Variants in MAML3 observed in about 807,000 individuals in gnomAD.
The protein encoded by MAML3 is mastermind like transcriptional coactivator 3, also known as mastermind-like protein 3.
Under a neutral mutation model 101.9 loss-of-function variants are expected in MAML3, and 27 were observed. The ratio of observed to expected loss-of-function variants is 0.27; its 90% CI spans 0.20 to 0.37. The LOEUF (loss-of-function observed/expected upper bound fraction) is 0.37. Among genes scored for constraint, MAML3 ranks in the 10% least tolerant of loss-of-function variants. The pLI is 1.00. For synonymous variants in MAML3, 501 were observed against 555.9 expected (o/e 0.90, Z 1.39); for missense variants, 1,316 against 1,444.9 (o/e 0.91, Z 1.45).
intron 1 of MAML3, among the ~76,000 whole-genome samples, chr4:139,997,340 G>T (rs1346692691): frequency 6.6e-6 from 1 of 150,758 alleles, no homozygotes; most frequent in Non-Finnish European, 1.5e-5. Flanking sequence ...TTTCTTCATG[G>T]TTACTCTGAA....
chr4:140,000,619 T>G (rs2110843204), intron 1 of MAML3, among the ~76,000 whole-genome samples: 1 of 152,278 alleles, frequency 6.6e-6, no homozygotes, highest in Middle Eastern at 3.4e-3. Flanking sequence ...AGCCCACTTC[T>G]TGAGAATTTT....
chr4:139,955,861 CAT>C (rs1733907058), intron 1 of MAML3, among the ~76,000 whole-genome samples: 1 of 152,160 alleles, frequency 6.6e-6, no homozygotes, highest in Non-Finnish European at 1.5e-5. Context: ...ATGGAGGTCA[CAT>C]AACATAGTGG....
In MAML3 at chr4:140,152,842, C is replaced by T. The variant is rs1729199481; in HGVS notation, c.468+18G>A. On this transcript the variant is annotated intron_variant, in intron 1 of 4. Transcript: ENST00000509479. ...ACCCCCAACGCGCGCCGCAAGCCCG[C>T]TGCCCGTGCGCCCTCACCATGATCA... 2 of 1,602,114 alleles carry T rather than the reference C, an allele frequency of 1.2e-6. No homozygotes were observed. Among genetic ancestry groups the T allele is most frequent in the Non-Finnish European group, 1.7e-6 (2 of 1,173,668 alleles).
intron 2 of MAML3, among the ~76,000 whole-genome samples, chr4:139,874,196 T>C (rs1732066225): frequency 6.6e-6 from 1 of 152,026 alleles, no homozygotes; most frequent in Non-Finnish European, 1.5e-5. Flanking sequence ...CCTCAAAGAG[T>C]CTAACAGACC....
At position 140,054,557 on chromosome 4, in the gene MAML3, C is replaced by T. The variant is rs570550459; in HGVS notation, c.468+98303G>A. Among the ~76,000 whole-genome samples, 43 of 152,282 alleles carry T rather than the reference C, an allele frequency of 2.8e-4. No homozygotes were observed. In the South Asian group the frequency reaches 7.5e-3, roughly 26 times the overall value. The stretch of plus-strand genomic sequence containing the variant: ...CTGCCTAAGATGCCTTGCACCTCTC[C>T]TGTTTTCACACGTTTGTTGCCTGGC... On this transcript the variant is annotated intron_variant, in intron 1 of 4. Transcript: ENST00000509479.
At chr4:139,801,870 C>G (rs1730616455) in intron 2 of MAML3, among the ~76,000 whole-genome samples, 1 of 152,146 alleles carries the variant, frequency 6.6e-6, no homozygotes, top group Non-Finnish European at 1.5e-5. Context: ...TTCCTAAGTA[C>G]AGGGCAGGCT....
At chr4:139,903,561 T>C (rs1417050184) in intron 1 of MAML3, among the ~76,000 whole-genome samples, 4 of 152,224 alleles carry the variant, frequency 2.6e-5, no homozygotes, top group Admixed American at 2.6e-4. Flanking sequence ...CTGTGTCCAC[T>C]TCATACGTTG....
chr4:140,131,924 T>C (rs759655748), intron 1 of MAML3, among the ~76,000 whole-genome samples: 4 of 152,340 alleles, frequency 2.6e-5, no homozygotes, highest in Non-Finnish European at 2.9e-5. Context: ...CTGTCTCCAG[T>C]CTCTATTTGA....
At chr4:140,148,049 C>T (rs2111063478) in intron 1 of MAML3, among the ~76,000 whole-genome samples, 1 of 152,298 alleles carries the variant, frequency 6.6e-6, no homozygotes, top group South Asian at 2.1e-4. Context: ...CAGAAAATAA[C>T]TCCATATAAC....
intron 1 of MAML3, among the ~76,000 whole-genome samples, chr4:140,151,047 C>A (rs1054647107): frequency 3.3e-5 from 5 of 152,038 alleles, no homozygotes; most frequent in African/African-American, 1.2e-4. Flanking sequence ...CGCGATGAAG[C>A]GGGCAGGGCC....
rs190163240 is a variant in MAML3 at position 140,014,340 on chromosome 4, A to G, written c.469-123373T>C. Among the ~76,000 whole-genome samples the G allele has an allele frequency of 2.6e-5, 4 of 152,358 alleles. No individual in the cohort carries two copies. In the East Asian group the frequency reaches 7.7e-4, roughly 29 times the overall value. ...TGTCCAAAAGCCGAATGTAGACACA[A>G]TTTAAAATTAGAAGACTCATCAAAG... On this transcript the variant is annotated intron_variant, in intron 1 of 4. Coordinates refer to ENST00000509479, the MANE Select transcript of MAML3 (RefSeq NM_018717.5).
At chr4:139,803,512 G>A (rs926233923) in intron 2 of MAML3, among the ~76,000 whole-genome samples, 1 of 152,184 alleles carries the variant, frequency 6.6e-6, no homozygotes, top group Non-Finnish European at 1.5e-5. Flanking sequence ...AGATGTGTAA[G>A]TTAATAACCA....
At chr4:140,029,815 G>A (rs1047750930) in intron 1 of MAML3, among the ~76,000 whole-genome samples, 24 of 151,914 alleles carry the variant, frequency 1.6e-4, no homozygotes, top group Non-Finnish European at 2.5e-4. Context: ...TTTAAAATTC[G>A]TACAAAATAA....
intron 3 of MAML3, among the ~76,000 whole-genome samples, chr4:139,728,689 C>A (rs928047986): frequency 7.2e-5 from 11 of 152,170 alleles, no homozygotes; most frequent in African/African-American, 2.7e-4. Context: ...CCAAGAAGCC[C>A]CAGCTCTCTC....
chr4:139,736,231 GAT>G (rs1728940545), intron 2 of MAML3, among the ~76,000 whole-genome samples: 1 of 152,112 alleles, frequency 6.6e-6, no homozygotes, highest in Admixed American at 6.5e-5. Flanking sequence ...TATATCAAAA[GAT>G]AGCTACATCC....
intron 1 of MAML3, among the ~76,000 whole-genome samples, chr4:140,076,547 G>A (rs563544940): frequency 6.6e-6 from 1 of 152,308 alleles, no homozygotes; most frequent in African/African-American, 2.4e-5. Context: ...CCAGGCCCCT[G>A]GAAGTCCTGC....
intron 1 of MAML3, among the ~76,000 whole-genome samples, chr4:140,036,158 T>C (rs150430543): frequency 6.6e-6 from 1 of 152,334 alleles, no homozygotes; most frequent in Non-Finnish European, 1.5e-5. Flanking sequence ...AAGGTTTTCA[T>C]TGAATAACAA....
chr4:139,798,832 G>C (rs889701509), intron 2 of MAML3, among the ~76,000 whole-genome samples: 1 of 152,152 alleles, frequency 6.6e-6, no homozygotes, highest in Non-Finnish European at 1.5e-5. Context: ...TCAGAATAGG[G>C]AAAGTTGTCC....
At chr4:139,765,065 G>A (rs1012498811) in intron 2 of MAML3, among the ~76,000 whole-genome samples, 5 of 152,246 alleles carry the variant, frequency 3.3e-5, no homozygotes, top group Non-Finnish European at 7.3e-5. Flanking sequence ...TCCTAGCTGG[G>A]AGGAGAGAGA....
Sources: gnomAD v4.1 joint callset for allele counts (sites outside exome capture counted in the v4.1 genomes callset) on GRCh38, gnomAD v4.1.1 for gene constraint, MANE v1.5 for transcripts, NCBI Gene and HGNC (gene_info 2026-07-23, HGNC 2026-07-21) for gene names.